Variants in RNF216 observed in about 807,000 individuals in gnomAD.
The protein encoded by RNF216 is ring finger protein 216.
RNF216 carries 72 observed loss-of-function variants against 110.8 expected under a neutral mutation model. That is an observed-to-expected ratio of 0.65 (90% CI 0.54 to 0.79). RNF216 has a LOEUF of 0.79. RNF216 is among the 30% of genes least tolerant of loss of function. The pLI is 0.00. For missense variants in RNF216, 1,342 were observed against 1,141.2 expected, an observed-to-expected ratio of 1.18 and a Z score of -2.54; for synonymous variants, 495 against 407.5, an observed-to-expected ratio of 1.21 and a Z score of -2.59.
At chr7:5,643,100 A>T (rs1023351533) in intron 14 of RNF216, among the ~76,000 whole-genome samples, 2 of 152,202 alleles carry the variant, frequency 1.3e-5, no homozygotes, top group African/African-American at 2.4e-5. Flanking sequence ...CTCTCCTAAA[A>T]TGGACAGAGG....
In RNF216 at chr7:5,622,815, C is replaced by T. The variant is rs1301901372; in HGVS notation, c.*45G>A. ...GGGGGAGGGTTCTCCATCCACACTC[C>T]TACCCCAAACGGGCTTTGTGCTGCT... On this transcript the variant is annotated 3_prime_UTR_variant, in exon 17 of 17. Coordinates refer to ENST00000389902, the MANE Select transcript of RNF216 (RefSeq NM_207111.4). The T allele has an allele frequency of 1.3e-6, 2 of 1,538,672 alleles. No homozygotes were observed. The highest frequency in any genetic ancestry group is 1.8e-6 in the Non-Finnish European group (2 of 1,135,466).
At chr7:5,686,498 T>C (rs903265876) in intron 13 of RNF216, among the ~76,000 whole-genome samples, 6 of 152,324 alleles carry the variant, frequency 3.9e-5, no homozygotes, top group Admixed American at 3.9e-4. Context: ...TCTGGTTAAG[T>C]GCTGCTTAAC....
chr7:5,769,776 C>T (rs1796397516), intron 1 of RNF216, among the ~76,000 whole-genome samples: 1 of 151,496 alleles, frequency 6.6e-6, no homozygotes, highest in Non-Finnish European at 1.5e-5. Context: ...GTGACTCACG[C>T]CTATAATCCC....
At chr7:5,765,063 T>A (rs1386246643) in intron 1 of RNF216, among the ~76,000 whole-genome samples, 2 of 131,764 alleles carry the variant, frequency 1.5e-5, no homozygotes, top group Admixed American at 8.3e-5. Flanking sequence ...AAAGCAAGAC[T>A]CTCTTAAAAA....
intron 1 of RNF216, among the ~76,000 whole-genome samples, chr7:5,772,882 A>T (rs1426364997): frequency 1.3e-5 from 2 of 151,308 alleles, no homozygotes; most frequent in Non-Finnish European, 2.9e-5. Flanking sequence ...GGGTTCAAGC[A>T]ATTCTCCTGC....
intron 13 of RNF216, among the ~76,000 whole-genome samples, chr7:5,708,680 T>C (rs1245126558): frequency 6.6e-6 from 1 of 152,244 alleles, no homozygotes; most frequent in East Asian, 1.9e-4. Context: ...TTGCAAGCTC[T>C]TGCTTCTTCT....
intron 13 of RNF216, among the ~76,000 whole-genome samples, chr7:5,674,686 A>C (rs1172526588): frequency 6.6e-6 from 1 of 152,072 alleles, no homozygotes; most frequent in African/African-American, 2.4e-5. Context: ...AGACTAGTCC[A>C]AAAAGAGGTG....
At chr7:5,764,727 T>C (rs950708099) in intron 1 of RNF216, among the ~76,000 whole-genome samples, 2 of 151,338 alleles carry the variant, frequency 1.3e-5, no homozygotes, top group Non-Finnish European at 2.9e-5. Flanking sequence ...AGAGAAAAAA[T>C]AATTGTAAAC....
At chr7:5,665,688 A>T (rs1789464973) in intron 13 of RNF216, among the ~76,000 whole-genome samples, 2 of 152,188 alleles carry the variant, frequency 1.3e-5, no homozygotes, top group East Asian at 3.9e-4. Flanking sequence ...GGGAGGGTAA[A>T]GTCTTTCTGG....
chr7:5,770,554 G>C (rs899506880), intron 1 of RNF216, among the ~76,000 whole-genome samples: 1 of 151,762 alleles, frequency 6.6e-6, no homozygotes, highest in African/African-American at 2.4e-5. Context: ...ATTTTGCAAA[G>C]ATGTCCTTTC....
At chr7:5,703,628 G>A (rs1041286956) in intron 13 of RNF216, among the ~76,000 whole-genome samples, 10 of 152,212 alleles carry the variant, frequency 6.6e-5, no homozygotes, top group African/African-American at 1.7e-4. Context: ...GAAGAAAGCT[G>A]GCAGGTGAGA....
intron 14 of RNF216, 91 bp from the exon 15 acceptor site, chr7:5,641,467 T>G (rs1244915900): frequency 4.8e-6 from 5 of 1,035,538 alleles, no homozygotes; most frequent in African/African-American, 4.8e-5. Flanking sequence ...TCACATAAAA[T>G]GATCACTTAT....
chr7:5,680,857 C>A lies in RNF216; in HGVS notation c.2062-28347G>T, dbSNP rs936280332. ...CCAATTCCTCCTTTCTCTTTACCCC[C>A]ACTCATTCCAGCTTGTCCTTTCTGT... On this transcript the variant is annotated intron_variant, in intron 13 of 16. Transcript: ENST00000389902. This position sits in a 1 kb window ranked among gnomAD's most constrained non-coding sequence, Gnocchi z 4.3. Among the ~76,000 whole-genome samples the A allele has an allele frequency of 4.6e-5, 7 of 152,158 alleles. No individual in the cohort carries two copies. Among genetic ancestry groups the A allele is most frequent in the Non-Finnish European group, 1.0e-4 (7 of 68,026 alleles).
intron 2 of RNF216, among the ~76,000 whole-genome samples, chr7:5,753,912 T>C (rs560442072): frequency 2.0e-5 from 3 of 152,094 alleles, no homozygotes; most frequent in Admixed American, 1.3e-4. Flanking sequence ...GGAGAATCGT[T>C]TGAACTCGGG....
At chr7:5,716,789 A>T (rs1793092182) in intron 9 of RNF216, 23 bp from the exon 10 acceptor site, 4 of 1,592,128 alleles carry the variant, frequency 2.5e-6, no homozygotes, top group Non-Finnish European at 3.4e-6. Flanking sequence ...AAAGGCACAC[A>T]TTCAGACACA....
At chr7:5,769,189 C>T (rs1279688943) in intron 1 of RNF216, among the ~76,000 whole-genome samples, 1 of 149,998 alleles carries the variant, frequency 6.7e-6, no homozygotes, top group Non-Finnish European at 1.5e-5. Flanking sequence ...ACAATCTCAG[C>T]TCACTGCAGC....
intron 13 of RNF216, among the ~76,000 whole-genome samples, chr7:5,678,549 G>A (rs926614324): frequency 6.6e-6 from 1 of 152,198 alleles, no homozygotes; most frequent in Non-Finnish European, 1.5e-5. Context: ...ACTTACTAAA[G>A]TGACCTCAGG....
At position 5,624,017 on chromosome 7, in the gene RNF216, C is replaced by T; in HGVS notation, c.2452+39G>A. On this transcript the variant is annotated intron_variant, in intron 16 of 16. Coordinates refer to ENST00000389902, the MANE Select transcript of RNF216 (RefSeq NM_207111.4). This position sits in a 1 kb window ranked among gnomAD's most constrained non-coding sequence, Gnocchi z 4.4. ...GCCAGCAGAAGCCTGCATGGCCTGG[C>T]TGCTGCTCTGTCCTGGGGGCCTGGG... 6.3e-7 allele frequency: 1 copy of T among 1,584,190 alleles called. No individual in the cohort carries two copies. The highest frequency in any genetic ancestry group is 1.7e-4 in the Middle Eastern group (1 of 6,014).
At chr7:5,623,967 G>A (rs751320915) in intron 16 of RNF216, 89 bp downstream of exon 16, 100 of 1,132,628 alleles carry the variant, frequency 8.8e-5, no homozygotes, top group Non-Finnish European at 1.1e-4. Flanking sequence ...CCTGTGCTGG[G>A]TTGAGTGCCA....
Sources: allele counts gnomAD v4.1 joint callset (sites outside exome capture counted in the v4.1 genomes callset), GRCh38; gene constraint gnomAD v4.1.1; non-coding constraint Gnocchi (gnomAD v3.1); transcripts MANE v1.5; gene names NCBI Gene and HGNC (gene_info 2026-07-23, HGNC 2026-07-21).